The following CLUH variants were observed in gnomAD, a reference collection of about 807,000 sequenced individuals.
CLUH encodes the protein CLUH binding protein of NUMT mRNA.
Under a neutral mutation model 139.3 loss-of-function variants are expected in CLUH, and 77 were observed. The ratio of observed to expected loss-of-function variants is 0.55; its 90% CI spans 0.46 to 0.67. The LOEUF is 0.67. CLUH is among the 30% of genes least tolerant of loss of function. The pLI is 0.00. For missense variants in CLUH, 1,876 were observed against 1,875.8 expected (o/e 1.00, Z 0.00); for synonymous variants, 999 against 801.6 (o/e 1.25, Z -4.16).
chr17:2,705,410 C>T (rs2070323419), intron 1 of CLUH, among the ~76,000 whole-genome samples: 1 of 152,242 alleles, frequency 6.6e-6, no homozygotes, highest in East Asian at 1.9e-4. Flanking sequence ...TGAAGTCAGC[C>T]TCAGCTCCTG....
At chr17:2,701,051 TCA>T (rs2070158946) in intron 7 of CLUH, 87 bp downstream of exon 7, 1 of 1,600,152 alleles carries the variant, frequency 6.2e-7, no homozygotes, top group Non-Finnish European at 8.5e-7. Flanking sequence ...GGCGGTTTCT[TCA>T]GACAGAAGCA....
In CLUH at chr17:2,693,103, A is replaced by G. The variant is rs1156511320; in HGVS notation, c.3232-243T>C. Among the ~76,000 whole-genome samples the G allele has an allele frequency of 3.4e-5, 5 of 148,478 alleles. No homozygotes were observed. The East Asian group carries it at 9.9e-4, about 29-fold the overall frequency. On this transcript the variant is annotated intron_variant, in intron 19 of 25. Transcript: ENST00000651024. ...TCTTACACCCAACAAAATCTCCACA[A>G]ACACCCAAATACAAACCTAAAACTA...
chr17:2,692,000 G>A lies in CLUH; in HGVS notation c.3654+4C>T, dbSNP rs1597596270. 1 of 1,388,738 alleles carries A rather than the reference G, an allele frequency of 7.2e-7. No individual in the cohort carries two copies. Among genetic ancestry groups the A allele is most frequent in the Non-Finnish European group, 9.6e-7 (1 of 1,038,596 alleles). 86.0% of individuals were successfully genotyped at this position (1,388,738 alleles called of 1,614,324 possible). A position where few individuals can be genotyped will look rare whatever the true frequency, so the allele number is the denominator to read the frequency against. The stretch of plus-strand genomic sequence containing the variant: ...CCCGCCCCCGCCACGCCCCCGCCGC[G>A]CACCTGCGTCTTGTAGATGGTGTAA... On this transcript the variant is annotated splice_donor_region_variant and intron_variant, in intron 23 of 25. Coordinates refer to ENST00000651024, the MANE Select transcript of CLUH (RefSeq NM_001366661.1).
intron 3 of CLUH, 55 bp from the exon 4 acceptor site, chr17:2,702,112 C>A (rs2070208500): frequency 6.3e-7 from 1 of 1,587,312 alleles, no homozygotes; most frequent in African/African-American, 1.3e-5. Context: ...CCCTGAACAA[C>A]CTGCCCAGCA....
At chr17:2,697,848 A>G in intron 10 of CLUH, 48 bp downstream of exon 10, 2 of 1,430,898 alleles carry the variant, frequency 1.4e-6, no homozygotes, top group Non-Finnish European at 1.8e-6. Flanking sequence ...GGGCGCCCGC[A>G]CTCCCTGCAG....
Position 2,703,177 on chromosome 17 carries a change from G to T in CLUH, c.475+141C>A. 1 of 880,782 alleles carries T rather than the reference G, an allele frequency of 1.1e-6. No homozygotes were observed. The highest frequency in any genetic ancestry group is 1.7e-6 in the Non-Finnish European group (1 of 581,120). The allele number at this position is 880,782 out of a possible 1,614,324, so 54.6% of individuals were successfully genotyped here. A position where few individuals can be genotyped will look rare whatever the true frequency, so the allele number is the denominator to read the frequency against. On this transcript the variant is annotated intron_variant, in intron 3 of 25. Coordinates refer to ENST00000651024, the MANE Select transcript of CLUH (RefSeq NM_001366661.1). The surrounding 1 kb of genome is among the most constrained non-coding windows in gnomAD (Gnocchi z 4.2). ...CCGTGAAGTTGGCAGATATAGGTGTGCTGGCCTGAGAAGCAGATCTGTGCT... is the reference window on the plus strand; with the variant it reads ...CCGTGAAGTTGGCAGATATAGGTGTTCTGGCCTGAGAAGCAGATCTGTGCT...
At chr17:2,691,131 C>G (rs12945316) in intron 25 of CLUH, among the ~76,000 whole-genome samples, 10 of 258 alleles carry the variant, frequency 0.039, no homozygotes, top group South Asian at 0.25. Context: ...TGCTCCTCAG[C>G]CCCCCCCCGC....
Position 2,698,390 on chromosome 17 carries a change from G to A in CLUH, c.1467C>T (p.Asn489=), listed in dbSNP as rs771452818. 1.5e-5 allele frequency: 24 copies of A among 1,613,106 alleles called. No homozygotes were observed. The East Asian group carries it at 4.7e-4, about 31-fold the overall frequency. Reference sequence around the variant, plus strand: ...TGTACGTGCGGACGCCATTCAGGTCGTTGGTGGGCGCCACGTAGGCCGCCA... The same window carrying A: ...TGTACGTGCGGACGCCATTCAGGTCATTGGTGGGCGCCACGTAGGCCGCCA... ...GDVAAYVAPT[N]DLNGVRTYNA... The change falls in exon 10 of 26, where the codon AAC becomes AAT. Residue 489 remains asparagine (N), a synonymous_variant. Coordinates refer to ENST00000651024, the MANE Select transcript of CLUH (RefSeq NM_001366661.1).
chr17:2,695,607 C>T, intron 13 of CLUH, 81 bp from the exon 14 acceptor site: 1 of 1,451,630 alleles, frequency 6.9e-7, no homozygotes, highest in African/African-American at 1.4e-5. Context: ...GCACAGCTAT[C>T]CTGGGAGGCC....
chr17:2,692,185 A>C (rs1013003691), intron 22 of CLUH, 88 bp from the exon 23 acceptor site: 3 of 1,459,560 alleles, frequency 2.1e-6, no homozygotes, highest in Middle Eastern at 2.3e-4. Flanking sequence ...TCTCCCGTAG[A>C]TCCCTCCCTG....
chr17:2,696,608 C>G, intron 11 of CLUH, 70 bp from the exon 12 acceptor site: 1 of 1,530,844 alleles, frequency 6.5e-7, no homozygotes, highest in Non-Finnish European at 8.8e-7. Context: ...CGCCAAGCCT[C>G]GCCCCCTAGC....
Position 2,691,835 on chromosome 17 carries a change from G to T in CLUH, c.3715C>A (p.Gln1239Lys). Residue 1239 changes from glutamine to lysine, a missense_variant, in exon 24 of 26, where the codon CAG becomes AAG. Gln to Lys is a moderately conservative substitution (Grantham distance 53, BLOSUM62 1). Transcript: ENST00000651024. ...SSEYLKCLTQ[Q>K]AVALQRTMNE... Reference sequence around the variant, plus strand: ...ATGGTGCGCTGCAGGGCCACGGCCTGCTGGGTCAGGCACTTGAGGTACTCG... The same window carrying T: ...ATGGTGCGCTGCAGGGCCACGGCCTTCTGGGTCAGGCACTTGAGGTACTCG... 1 of 1,561,418 alleles carries T rather than the reference G, an allele frequency of 6.4e-7. No individual in the cohort carries two copies.
Position 2,695,537 on chromosome 17 carries a change from C to T in CLUH, c.2392-11G>A. 1.3e-6 allele frequency: 2 copies of T among 1,585,164 alleles called. No homozygotes were observed. Among genetic ancestry groups the T allele is most frequent in the Non-Finnish European group, 1.7e-6 (2 of 1,171,844 alleles). ...CATGCAGTCCTTCACCTGCGGGCTG[C>T]AGCAGCTCAGGCCCCCACCCAGCTC... On this transcript the variant is annotated splice_polypyrimidine_tract_variant and intron_variant, in intron 13 of 25. Transcript: ENST00000651024.
At position 2,692,447 on chromosome 17, in the gene CLUH, C is replaced by T. The variant is rs1427775416; in HGVS notation, c.3474G>A (p.Glu1158=). 1.9e-6 allele frequency: 3 copies of T among 1,600,370 alleles called. No homozygotes were observed. The African/African-American group carries it at 4.0e-5, about 21-fold the overall frequency. The change falls in exon 22 of 26, where the codon GAG becomes GAA. Residue 1158 remains glutamate (E), a synonymous_variant. Transcript: ENST00000651024. ...NIGLVLHGVM[E]YDLSLRFLEN... Reference sequence around the variant, plus strand: ...CCAGGAAGCGCAGCGACAGGTCGTACTCCATCACCCCGTGCAGCACCAGCC... The same window carrying T: ...CCAGGAAGCGCAGCGACAGGTCGTATTCCATCACCCCGTGCAGCACCAGCC...
intron 19 of CLUH, among the ~76,000 whole-genome samples, chr17:2,693,193 T>C (rs1011326604): frequency 1.4e-5 from 2 of 139,452 alleles, no homozygotes; most frequent in African/African-American, 2.7e-5. Flanking sequence ...GTCAGGAGTT[T>C]GAGACCATCC....
In CLUH at chr17:2,694,967, G is replaced by A; in HGVS notation, c.2742C>T (p.Asn914=). The A allele has an allele frequency of 6.2e-7, 1 of 1,613,186 alleles. No homozygotes were observed. Among genetic ancestry groups the A allele is most frequent in the Non-Finnish European group, 8.5e-7 (1 of 1,179,620 alleles). ...VSKKRNKRRK[N]RPPGAADNTA... Reference sequence around the variant, plus strand: ...TGTTATCTGCAGCCCCCGGGGGCCGGTTTTTCCTCCTCTTATTCCGCTTCT... The same window carrying A: ...TGTTATCTGCAGCCCCCGGGGGCCGATTTTTCCTCCTCTTATTCCGCTTCT... The change falls in exon 16 of 26, where the codon AAC becomes AAT. Residue 914 remains asparagine (N), a synonymous_variant. Coordinates refer to ENST00000651024, the MANE Select transcript of CLUH (RefSeq NM_001366661.1).
rs2069802780 is a variant in CLUH, at chr17:2,693,561, C to A, written c.3231+339G>T. ...CTCCACCAGCCCCGGCCAGGCAGGG[C>A]ACCCAGAACCCCACAGCCTGCACTG... On this transcript the variant is annotated intron_variant, in intron 19 of 25. Transcript: ENST00000651024. 3.6e-5 allele frequency among the ~76,000 whole-genome samples: 5 copies of A among 138,714 alleles called. No individual in the cohort carries two copies. In the South Asian group the frequency reaches 1.3e-3, roughly 35 times the overall value. The allele number at this position is 138,714 out of a possible 152,430, so 91.0% of individuals were successfully genotyped here. A position where few individuals can be genotyped will look rare whatever the true frequency, so the allele number is the denominator to read the frequency against.
rs2069757238 is a variant in CLUH, at chr17:2,692,783, T to G, written c.3309A>C (p.Glu1103Asp). 7 of 1,602,536 alleles carry G rather than the reference T, an allele frequency of 4.4e-6. No individual in the cohort carries two copies. In the East Asian group the frequency reaches 1.6e-4, roughly 36 times the overall value. Residue 1103 changes from glutamate (E) to aspartate (D), a missense_variant, in exon 20 of 26, where the codon GAA (glutamate) becomes GAC (aspartate). By Grantham distance (45) the Glu-to-Asp change is conservative. Around this residue, in one of 3 missense-constraint regions of CLUH, gnomAD observed 1,454 missense variants for 1,384.4 expected, o/e 1.05. Coordinates refer to ENST00000651024, the MANE Select transcript of CLUH (RefSeq NM_001366661.1). ...MGTEHPNTIQ[E>D]YMHLALYCFA... ...GCGGGCGGCACTCGCGACTCACGTA[T>G]TCCTGGATGGTGTTGGGGTGCTCGG...
rs1185412352 is a variant in CLUH, at chr17:2,690,513, G to A, written c.*81C>T. 34 of 1,258,002 alleles carry A rather than the reference G, an allele frequency of 2.7e-5. No homozygotes were observed. The highest frequency in any genetic ancestry group is 3.1e-5 in the East Asian group (1 of 32,520). 77.9% of individuals were successfully genotyped at this position (1,258,002 alleles called of 1,614,324 possible). ...GGAAGAGGGCCTTGCTTCCTCTTCC[G>A]CCCGCAGGCTCGCCCCCTTCTCCCG... On this transcript the variant is annotated 3_prime_UTR_variant, in exon 26 of 26. Transcript: ENST00000651024.
Sources: gnomAD v4.1 joint callset for allele counts (sites outside exome capture counted in the v4.1 genomes callset) on GRCh38, gnomAD v4.1.1 for gene constraint, gnomAD v4.1.1 regional missense constraint, Gnocchi (gnomAD v3.1) non-coding constraint, MANE v1.5 for transcripts, NCBI Gene and HGNC (gene_info 2026-07-23, HGNC 2026-07-21) for gene names.